SAMD4A: variants seen among roughly 807,000 people sequenced by gnomAD.
The protein encoded by SAMD4A is protein Smaug homolog 1.
Under a neutral mutation model 81.3 loss-of-function variants are expected in SAMD4A, and 33 were observed. The ratio of observed to expected loss-of-function variants is 0.41; its 90% CI spans 0.31 to 0.54. SAMD4A has a LOEUF of 0.54. Ranked by LOEUF, SAMD4A falls within the 20% of genes least tolerant of loss-of-function variation. SAMD4A has a pLI of 0.37. For synonymous variants in SAMD4A, 389 were observed against 382.1 expected (o/e 1.02, Z -0.21); for missense variants, 854 against 951.1 (o/e 0.90, Z 1.34).
At chr14:54,721,734 T>A (rs1171136831) in intron 3 of SAMD4A, among the ~76,000 whole-genome samples, 1 of 152,214 alleles carries the variant, frequency 6.6e-6, no homozygotes, top group African/African-American at 2.4e-5. Context: ...GTTTCCATTG[T>A]CTTATCCAGA....
chr14:54,734,963 A>G (rs7156787), intron 3 of SAMD4A: 125,977 of 152,052 alleles, frequency 0.83, 52,910 homozygotes, highest in Non-Finnish European at 0.9. Context: ...CTGGCTATAC[A>G]GAGGAACCCC....
At chr14:54,612,402 T>TA (rs1245266374) in intron 2 of SAMD4A, among the ~76,000 whole-genome samples, 1 of 152,186 alleles carries the variant, frequency 6.6e-6, no homozygotes, top group Non-Finnish European at 1.5e-5. Flanking sequence ...TCCTGCTTGA[T>TA]AGAGTTTGGG....
chr14:54,650,726 A>C (rs917817825), intron 2 of SAMD4A, among the ~76,000 whole-genome samples: 2 of 152,074 alleles, frequency 1.3e-5, no homozygotes, highest in African/African-American at 4.8e-5. Context: ...TTCCCAACAT[A>C]AGCTTTTCTC....
intron 2 of SAMD4A, among the ~76,000 whole-genome samples, chr14:54,663,805 C>G (rs527565764): frequency 2.0e-5 from 3 of 152,102 alleles, no homozygotes; most frequent in Admixed American, 6.5e-5. Context: ...CTCTCTCTTC[C>G]CTGTGAATGA....
intron 7 of SAMD4A, among the ~76,000 whole-genome samples, chr14:54,761,028 C>A (rs1377818142): frequency 6.6e-6 from 1 of 152,182 alleles, no homozygotes; most frequent in Non-Finnish European, 1.5e-5. Flanking sequence ...TTGGAGAATT[C>A]CCAGCATGGA....
chr14:54,744,652 C>T (rs1475983718), intron 4 of SAMD4A, among the ~76,000 whole-genome samples: 1 of 152,126 alleles, frequency 6.6e-6, no homozygotes, highest in Admixed American at 6.5e-5. Flanking sequence ...GGTGCTTTGT[C>T]CCAGAAACCT....
chr14:54,702,212 A>G lies in SAMD4A; in HGVS notation c.347A>G (p.Asn116Ser). 1.2e-6 allele frequency: 2 copies of G among 1,614,134 alleles called. No homozygotes were observed. Among genetic ancestry groups the G allele is most frequent in the South Asian group, 2.2e-5 (2 of 91,074 alleles). ...PKILAHSIEH[N>S]QHIEESRQLL... ...ATCCTGGCTCACTCTATTGAACACA[A>G]CCAGCACATTGAGGAGAGCAGGCAG... is the stretch of plus-strand genomic sequence containing the variant. Residue 116 changes from asparagine (N) to serine (S), a missense_variant, in exon 3 of 13, where the codon AAC (asparagine) becomes AGC (serine). This residue lies in a region of SAMD4A where 387 missense variants were observed against 405.8 expected (regional missense o/e 0.95). Coordinates refer to ENST00000554335, the MANE Select transcript of SAMD4A (RefSeq NM_015589.6).
At chr14:54,740,939 A>C (rs1183621118) in intron 4 of SAMD4A, among the ~76,000 whole-genome samples, 3 of 152,244 alleles carry the variant, frequency 2.0e-5, no homozygotes, top group Non-Finnish European at 4.4e-5. Context: ...AAGCTAAAGA[A>C]AAAATGAGAT....
chr14:54,644,783 G>C (rs935593848), intron 2 of SAMD4A, among the ~76,000 whole-genome samples: 1 of 152,180 alleles, frequency 6.6e-6, no homozygotes, highest in African/African-American at 2.4e-5. Flanking sequence ...AACATGATAT[G>C]ATTTTTTTAA....
chr14:54,656,994 C>A (rs2035535602), intron 2 of SAMD4A, among the ~76,000 whole-genome samples: 1 of 152,006 alleles, frequency 6.6e-6, no homozygotes, highest in South Asian at 2.1e-4. Flanking sequence ...CTCTCCCACC[C>A]CGCCGGAGAA....
At chr14:54,589,227 G>C (rs1024095273) in intron 2 of SAMD4A, among the ~76,000 whole-genome samples, 13 of 152,176 alleles carry the variant, frequency 8.5e-5, no homozygotes, top group African/African-American at 3.1e-4. Flanking sequence ...TGAAGATGGA[G>C]TAATTTACAC....
chr14:54,586,099 T>G (rs1316208354), intron 2 of SAMD4A, among the ~76,000 whole-genome samples: 2 of 152,154 alleles, frequency 1.3e-5, no homozygotes, highest in Non-Finnish European at 2.9e-5. Context: ...CGCCAATATC[T>G]GTTTTTATTT....
intron 2 of SAMD4A, among the ~76,000 whole-genome samples, chr14:54,633,689 T>G (rs2140348021): frequency 6.6e-6 from 1 of 152,174 alleles, no homozygotes; most frequent in East Asian, 1.9e-4. Context: ...ACTCAAGGAC[T>G]ATGTGCCCTC....
chr14:54,691,371 T>A (rs1027244432), intron 2 of SAMD4A, among the ~76,000 whole-genome samples: 10 of 152,024 alleles, frequency 6.6e-5, no homozygotes, highest in African/African-American at 1.9e-4. Context: ...CTGATTCTGG[T>A]CCAGCCACTG....
chr14:54,753,089 G>A (rs1158082923), intron 6 of SAMD4A, among the ~76,000 whole-genome samples: 1 of 152,196 alleles, frequency 6.6e-6, no homozygotes, highest in African/African-American at 2.4e-5. Flanking sequence ...AGTTCCCAGG[G>A]GCAGGCAGGA....
At chr14:54,625,605 C>A (rs759811037) in intron 2 of SAMD4A, among the ~76,000 whole-genome samples, 1 of 152,154 alleles carries the variant, frequency 6.6e-6, no homozygotes, top group East Asian at 1.9e-4. Flanking sequence ...TCCCTCCATA[C>A]CTCTTTAAAA....
At chr14:54,592,681 G>C (rs548144256) in intron 2 of SAMD4A, among the ~76,000 whole-genome samples, 6 of 152,076 alleles carry the variant, frequency 3.9e-5, no homozygotes, top group African/African-American at 1.2e-4. Flanking sequence ...GGATGGTCTC[G>C]ATCTCCTGAC....
chr14:54,675,496 G>A (rs1435411315), intron 2 of SAMD4A, among the ~76,000 whole-genome samples: 1 of 151,696 alleles, frequency 6.6e-6, no homozygotes, highest in Non-Finnish European at 1.5e-5. Flanking sequence ...CCTTAGCTAT[G>A]CTTTAGGTCT....
chr14:54,636,059 A>G (rs1457396823), intron 2 of SAMD4A, among the ~76,000 whole-genome samples: 7 of 152,220 alleles, frequency 4.6e-5, no homozygotes, highest in Non-Finnish European at 7.3e-5. Context: ...AGTATGTTAG[A>G]TAAGTCTTGT....
Sources: allele counts gnomAD v4.1 joint callset (sites outside exome capture counted in the v4.1 genomes callset), GRCh38; gene constraint gnomAD v4.1.1; regional missense constraint gnomAD v4.1.1; transcripts MANE v1.5; gene names NCBI Gene and HGNC (gene_info 2026-07-23, HGNC 2026-07-21).